Variants in CATSPERB observed in about 807,000 individuals in gnomAD.
The protein encoded by CATSPERB is catsper channel auxiliary subunit beta.
In CATSPERB, 93 loss-of-function variants were observed where a neutral mutation model predicts 128.3. The ratio of observed to expected loss-of-function variants is 0.72; its 90% CI spans 0.61 to 0.86. The LOEUF is 0.86. Among genes scored for constraint, CATSPERB ranks in the 40% least tolerant of loss-of-function variants. The probability of loss-of-function intolerance (pLI) is 0.00; values close to 1 mark genes in which losing one functional copy is unlikely to be tolerated. For missense variants in CATSPERB, 1,153 were observed against 1,329.5 expected, an observed-to-expected ratio of 0.87 and a Z score of 2.06; for synonymous variants, 381 against 448.8, an observed-to-expected ratio of 0.85 and a Z score of 1.91.
rs1329222238 is a variant in CATSPERB, at chr14:91,641,595, T to C, written c.1433-2345A>G. ...CTCTGTTTTGGTACCAGTACCATGC[T>C]GTTTTGGTTACTGTAGCCTTGTAGT... On this transcript the variant is annotated intron_variant, in intron 15 of 26. Transcript: ENST00000256343. Among the ~76,000 whole-genome samples, 4 of 147,216 alleles carry C rather than the reference T, an allele frequency of 2.7e-5. No homozygotes were observed. The South Asian group carries it at 8.8e-4, about 32-fold the overall frequency.
chr14:91,628,993 T>C (rs2139795204), intron 17 of CATSPERB, among the ~76,000 whole-genome samples: 1 of 152,280 alleles, frequency 6.6e-6, no homozygotes, highest in South Asian at 2.1e-4. Context: ...ACTCTTAGCA[T>C]ACAATCAAGC....
At chr14:91,678,848 T>C (rs2139836425) in intron 11 of CATSPERB, among the ~76,000 whole-genome samples, 1 of 152,300 alleles carries the variant, frequency 6.6e-6, no homozygotes, top group Admixed American at 6.5e-5. Flanking sequence ...TATTGGTGGT[T>C]CAATAAAAAC....
At chr14:91,635,266 T>C (rs557530134) in intron 17 of CATSPERB, among the ~76,000 whole-genome samples, 55 of 152,250 alleles carry the variant, frequency 3.6e-4, no homozygotes, top group African/African-American at 8.9e-4. Context: ...AAAACAGATA[T>C]TTAGACCACA....
At chr14:91,687,101 G>T (rs1181093749) in intron 10 of CATSPERB, among the ~76,000 whole-genome samples, 1 of 151,914 alleles carries the variant, frequency 6.6e-6, no homozygotes, top group Non-Finnish European at 1.5e-5. Flanking sequence ...ATTTCCATTA[G>T]AAAATGCTGA....
At chr14:91,628,517 T>C (rs1212708267) in intron 17 of CATSPERB, among the ~76,000 whole-genome samples, 4 of 152,144 alleles carry the variant, frequency 2.6e-5, no homozygotes, top group African/African-American at 9.7e-5. Context: ...AGGGACCTGG[T>C]GGGAGGTGGT....
At chr14:91,699,320 A>T in intron 7 of CATSPERB, among the ~76,000 whole-genome samples, 1 of 152,146 alleles carries the variant, frequency 6.6e-6, no homozygotes, top group East Asian at 1.9e-4. Flanking sequence ...CATTCCAACC[A>T]GCAGTGTATA....
intron 15 of CATSPERB, chr14:91,646,074 G>A (rs1035267026): frequency 3.9e-5 from 6 of 154,520 alleles, no homozygotes; most frequent in Non-Finnish European, 4.3e-5. Context: ...GCTCGCGCAC[G>A]GTGCGCGCAC....
rs146286680 is a variant in CATSPERB at position 91,615,258 on chromosome 14, C to T, written c.2400+2339G>A. On this transcript the variant is annotated intron_variant, in intron 20 of 26. Coordinates refer to ENST00000256343, the MANE Select transcript of CATSPERB (RefSeq NM_024764.4). ...GCATTAGATTCTCATAGGAACTCGACCCCTATTGTGAACTGCACATGCGAG... is the reference window on the plus strand; with the variant it reads ...GCATTAGATTCTCATAGGAACTCGATCCCTATTGTGAACTGCACATGCGAG... 2.1e-3 allele frequency among the ~76,000 whole-genome samples: 326 copies of T among 152,264 alleles called. 2 individuals are homozygous for T. The highest frequency in any genetic ancestry group is 5.4e-3 in the South Asian group (26 of 4,820).
intron 14 of CATSPERB, among the ~76,000 whole-genome samples, chr14:91,668,021 C>A (rs942515266): frequency 1.3e-5 from 2 of 152,222 alleles, no homozygotes; most frequent in Non-Finnish European, 2.9e-5. Flanking sequence ...GACACCTGGA[C>A]TGACCCACTG....
At chr14:91,670,761 T>TG (rs1895075551) in intron 13 of CATSPERB, among the ~76,000 whole-genome samples, 3 of 152,102 alleles carry the variant, frequency 2.0e-5, no homozygotes, top group Admixed American at 2.0e-4. Flanking sequence ...CCCAGCACTT[T>TG]GGGGGGCCGA....
At chr14:91,661,595 C>A (rs915901258) in intron 14 of CATSPERB, among the ~76,000 whole-genome samples, 4 of 150,150 alleles carry the variant, frequency 2.7e-5, no homozygotes, top group African/African-American at 9.8e-5. Flanking sequence ...TGCAGTGGCA[C>A]AATCTTGGCT....
At chr14:91,585,911 T>C (rs1042314289) in intron 26 of CATSPERB, among the ~76,000 whole-genome samples, 2 of 152,212 alleles carry the variant, frequency 1.3e-5, no homozygotes, top group Non-Finnish European at 2.9e-5. Flanking sequence ...TATTTGTTTG[T>C]TTTTAGCAGT....
intron 4 of CATSPERB, 134 bp from the exon 5 acceptor site, chr14:91,719,612 C>A: frequency 1.7e-6 from 1 of 601,002 alleles, no homozygotes; most frequent in Non-Finnish European, 2.8e-6. Flanking sequence ...AAATTTCACT[C>A]TTAGGAATTT....
chr14:91,641,068 CT>C (rs1255686201), intron 15 of CATSPERB, among the ~76,000 whole-genome samples: 3 of 123,116 alleles, frequency 2.4e-5, no homozygotes, highest in Non-Finnish European at 5.1e-5. Context: ...CCTTCGCCCA[CT>C]TTTTGATGGG....
chr14:91,651,690 C>T (rs930196504), intron 15 of CATSPERB, among the ~76,000 whole-genome samples: 4 of 152,030 alleles, frequency 2.6e-5, no homozygotes, highest in East Asian at 1.9e-4. Flanking sequence ...ATCTCTGTGG[C>T]GAGTGTGGGA....
At chr14:91,664,558 T>C (rs980826873) in intron 14 of CATSPERB, among the ~76,000 whole-genome samples, 17 of 152,118 alleles carry the variant, frequency 1.1e-4, no homozygotes, top group African/African-American at 2.7e-4. Context: ...CCATGTCTTT[T>C]ACATGGCTTG....
At chr14:91,633,935 C>T (rs946926855) in intron 17 of CATSPERB, among the ~76,000 whole-genome samples, 1 of 151,784 alleles carries the variant, frequency 6.6e-6, no homozygotes, top group African/African-American at 2.4e-5. Flanking sequence ...GACACTATAA[C>T]AGGAAAAAGC....
intron 5 of CATSPERB, among the ~76,000 whole-genome samples, chr14:91,715,552 C>CAAAAAA (rs57554614): frequency 1.3e-4 from 6 of 45,594 alleles, no homozygotes; most frequent in African/African-American, 2.3e-4. Flanking sequence ...GACTCCATCT[C>CAAAAAA]AAAAAAAAAA....
chr14:91,608,576 C>T (rs543949772), intron 21 of CATSPERB, among the ~76,000 whole-genome samples, 172 bp from the exon 22 acceptor site: 5 of 152,076 alleles, frequency 3.3e-5, no homozygotes, highest in Admixed American at 6.5e-5. Context: ...GGAATTTCAA[C>T]AATTTTAACC....
Sources: gnomAD v4.1 joint callset for allele counts (sites outside exome capture counted in the v4.1 genomes callset) on GRCh38, gnomAD v4.1.1 for gene constraint, MANE v1.5 for transcripts, NCBI Gene and HGNC (gene_info 2026-07-23, HGNC 2026-07-21) for gene names.